The following GRID2 variants were observed in gnomAD, a reference collection of about 807,000 sequenced individuals.
The protein encoded by GRID2 is glutamate receptor ionotropic, delta-2.
A neutral mutation model predicts 114.8 loss-of-function variants in GRID2; 33 were observed. The ratio of observed to expected loss-of-function variants is 0.29; its 90% CI spans 0.22 to 0.38. GRID2 has a LOEUF of 0.38. Among genes scored for constraint, GRID2 ranks in the 10% least tolerant of loss-of-function variants. The pLI, the probability that GRID2 is intolerant of heterozygous loss-of-function variation, is 1.00. For synonymous variants in GRID2, 505 were observed against 449.9 expected (o/e 1.12, Z -1.55); for missense variants, 1,184 against 1,257.7 (o/e 0.94, Z 0.89).
intron 1 of GRID2, among the ~76,000 whole-genome samples, chr4:92,582,691 T>G (rs1268653348): frequency 6.6e-6 from 1 of 151,944 alleles, no homozygotes; most frequent in Non-Finnish European, 1.5e-5. Context: ...TGATGGGTGT[T>G]GTGGCTTATG....
At chr4:93,432,495 C>T (rs890145432) in intron 10 of GRID2, among the ~76,000 whole-genome samples, 2 of 152,064 alleles carry the variant, frequency 1.3e-5, no homozygotes, top group Middle Eastern at 3.2e-3. Context: ...AAAGACATAA[C>T]CAGAGACTGA....
chr4:92,635,434 A>G (rs1731022492), intron 2 of GRID2, among the ~76,000 whole-genome samples: 1 of 152,050 alleles, frequency 6.6e-6, no homozygotes, highest in African/African-American at 2.4e-5. Flanking sequence ...TAAGTATAGG[A>G]ACATCTCTTT....
chr4:92,705,569 TAAAAAG>T (rs1180504570), intron 2 of GRID2, among the ~76,000 whole-genome samples: 1 of 152,174 alleles, frequency 6.6e-6, no homozygotes, highest in Non-Finnish European at 1.5e-5. Flanking sequence ...ATGTTAGAAA[TAAAAAG>T]AAAACCGGAC....
Position 93,475,025 on chromosome 4 carries a change from C to T in GRID2, c.1859-15614C>T, listed in dbSNP as rs955092452. ...TTTGTTTTGCAACTTCACCCTGATC[C>T]CCTTCCTCCCTGAGCCTACTTCCTC... is the stretch of plus-strand genomic sequence containing the variant. On this transcript the variant is annotated intron_variant, in intron 11 of 15. Coordinates refer to ENST00000282020, the MANE Select transcript of GRID2 (RefSeq NM_001510.4). 2.0e-5 allele frequency among the ~76,000 whole-genome samples: 3 copies of T among 152,120 alleles called. No individual in the cohort carries two copies. The South Asian group carries it at 6.2e-4, about 32-fold the overall frequency.
intron 2 of GRID2, among the ~76,000 whole-genome samples, chr4:93,037,743 T>A (rs1725058191): frequency 6.6e-6 from 1 of 152,150 alleles, no homozygotes; most frequent in Admixed American, 6.6e-5. Flanking sequence ...AAAGATCAGA[T>A]GGTTGTAGAT....
At chr4:93,485,782 G>A (rs547183316) in intron 11 of GRID2, among the ~76,000 whole-genome samples, 7 of 151,810 alleles carry the variant, frequency 4.6e-5, no homozygotes, top group Admixed American at 1.3e-4. Context: ...GTCATCAAGA[G>A]CCAGTTTTTT....
In GRID2 at chr4:93,718,637, A is replaced by G. The variant is rs995655449; in HGVS notation, c.2361-50573A>G. Reference sequence around the variant, plus strand: ...TAAATACTTATTGAACAAATGTTGAATGAAACTCTTGGCACATATTTTGGT... The same window carrying G: ...TAAATACTTATTGAACAAATGTTGAGTGAAACTCTTGGCACATATTTTGGT... On this transcript the variant is annotated intron_variant, in intron 14 of 15. Coordinates refer to ENST00000282020, the MANE Select transcript of GRID2 (RefSeq NM_001510.4). Among the ~76,000 whole-genome samples the G allele has an allele frequency of 2.6e-5, 4 of 152,216 alleles. No homozygotes were observed. In the East Asian group the frequency reaches 7.7e-4, roughly 29 times the overall value.
intron 2 of GRID2, among the ~76,000 whole-genome samples, chr4:92,705,439 A>G (rs548934623): frequency 6.6e-6 from 1 of 152,330 alleles, no homozygotes; most frequent in East Asian, 1.9e-4. Flanking sequence ...CACTGAAGAA[A>G]CATATTCAGG....
intron 2 of GRID2, among the ~76,000 whole-genome samples, chr4:93,055,691 T>A (rs1330276371): frequency 6.6e-6 from 1 of 151,938 alleles, no homozygotes; most frequent in African/African-American, 2.4e-5. Flanking sequence ...TTCCAAATTA[T>A]TTTATTGAAC....
intron 4 of GRID2, among the ~76,000 whole-genome samples, chr4:93,165,862 T>C (rs1469557594): frequency 6.6e-6 from 1 of 152,094 alleles, no homozygotes; most frequent in African/African-American, 2.4e-5. Flanking sequence ...GAGCAGAAAT[T>C]TAAACACTGA....
intron 1 of GRID2, among the ~76,000 whole-genome samples, chr4:92,447,511 C>T (rs1012233921): frequency 1.1e-4 from 16 of 152,194 alleles, no homozygotes; most frequent in Non-Finnish European, 4.4e-5. Flanking sequence ...CCACACAGTT[C>T]TATTATTTTC....
At chr4:93,468,753 A>G (rs896127765) in intron 11 of GRID2, among the ~76,000 whole-genome samples, 1 of 152,112 alleles carries the variant, frequency 6.6e-6, no homozygotes, top group African/African-American at 2.4e-5. Context: ...GAGAAGTGAC[A>G]GGACAAACAT....
intron 13 of GRID2, among the ~76,000 whole-genome samples, chr4:93,517,927 A>ACATG (rs1560705886): frequency 3.9e-5 from 4 of 102,750 alleles, no homozygotes; most frequent in African/African-American, 9.5e-5. Context: ...TGTATATACT[A>ACATG]TATATGTATG....
chr4:93,351,039 G>A (rs1178527482), intron 8 of GRID2, among the ~76,000 whole-genome samples: 1 of 151,982 alleles, frequency 6.6e-6, no homozygotes, highest in Non-Finnish European at 1.5e-5. Context: ...CAGATCTTAT[G>A]AGACTTATTC....
chr4:92,899,656 A>C (rs1747428219), intron 2 of GRID2, among the ~76,000 whole-genome samples: 1 of 152,316 alleles, frequency 6.6e-6, no homozygotes, highest in Non-Finnish European at 1.5e-5. Context: ...AGATCTTCAG[A>C]CCAAAAAATA....
intron 14 of GRID2, among the ~76,000 whole-genome samples, chr4:93,670,688 A>G (rs961311338): frequency 6.6e-6 from 1 of 152,232 alleles, no homozygotes; most frequent in Non-Finnish European, 1.5e-5. Context: ...GTTCTAGGCA[A>G]GTAGCCTAGG....
At chr4:93,458,370 G>T (rs757106463) in intron 11 of GRID2, among the ~76,000 whole-genome samples, 3 of 152,122 alleles carry the variant, frequency 2.0e-5, no homozygotes, top group Non-Finnish European at 4.4e-5. Flanking sequence ...TCATCCAAAG[G>T]CTTGTTCATT....
chr4:92,366,919 A>G (rs906202179), intron 1 of GRID2, among the ~76,000 whole-genome samples: 4 of 152,120 alleles, frequency 2.6e-5, no homozygotes, highest in Non-Finnish European at 5.9e-5. Context: ...TTTGCAAACC[A>G]CATACCTAAA....
At chr4:92,628,313 A>T (rs1202129263) in intron 2 of GRID2, among the ~76,000 whole-genome samples, 5 of 152,050 alleles carry the variant, frequency 3.3e-5, no homozygotes, top group African/African-American at 7.2e-5. Context: ...TGACAGCAGT[A>T]AAAGATTAAG....
Sources: gnomAD v4.1 joint callset for allele counts (sites outside exome capture counted in the v4.1 genomes callset) on GRCh38, gnomAD v4.1.1 for gene constraint, MANE v1.5 for transcripts, NCBI Gene and HGNC (gene_info 2026-07-23, HGNC 2026-07-21) for gene names.